PLD5: variants seen among roughly 807,000 people sequenced by gnomAD.
The protein encoded by PLD5 is phospholipase D family member 5.
Under a neutral mutation model 61.1 loss-of-function variants are expected in PLD5, and 36 were observed. The ratio of observed to expected loss-of-function variants is 0.59; its 90% CI spans 0.45 to 0.78. PLD5 has a LOEUF of 0.78. Ranked by LOEUF, PLD5 falls within the 30% of genes least tolerant of loss-of-function variation. The pLI is 0.00. For synonymous variants in PLD5, 243 were observed against 242.8 expected (o/e 1.00, Z -0.01); for missense variants, 515 against 644.4 (o/e 0.80, Z 2.17).
chr1:242,300,746 G>GT (rs1241280360), intron 2 of PLD5, among the ~76,000 whole-genome samples: 1 of 4,958 alleles, frequency 2.0e-4, no homozygotes. Flanking sequence ...GAAATGGGTT[G>GT]CAGCGGGACA....
intron 2 of PLD5, among the ~76,000 whole-genome samples, chr1:242,327,786 C>T (rs1334688871): frequency 6.6e-6 from 1 of 152,162 alleles, no homozygotes; most frequent in Non-Finnish European, 1.5e-5. Context: ...GAATAACCAT[C>T]TTGATATTAA....
chr1:242,114,012 GA>G lies in PLD5; in HGVS notation c.947del (p.Leu316ProfsTer11). The G allele has an allele frequency of 6.2e-7, 1 of 1,613,138 alleles. No individual in the cohort carries two copies. The highest frequency in any genetic ancestry group is 8.5e-7 in the Non-Finnish European group (1 of 1,179,640). ...SQAFVSNSPK[L>X]FCPKNRSFDI... ...CAAAACTTCTGTTTTTAGGGCAAAA[GA>G]GTTTTGGAGAATTCTGTGAAGACAC... On this transcript the variant is annotated frameshift_variant, in exon 7 of 10. Coordinates refer to ENST00000536534, the MANE Select transcript of PLD5 (RefSeq NM_001372062.1). LOFTEE classifies it high-confidence loss of function.
intron 1 of PLD5, among the ~76,000 whole-genome samples, chr1:242,389,291 C>A (rs559053588): frequency 2.0e-4 from 30 of 152,146 alleles, no homozygotes; most frequent in African/African-American, 6.7e-4. Context: ...ATACATGTTA[C>A]CTTGTGACTC....
At chr1:242,394,869 A>T (rs186934045) in intron 1 of PLD5, among the ~76,000 whole-genome samples, 28 of 113,848 alleles carry the variant, frequency 2.5e-4, no homozygotes, top group Non-Finnish European at 2.8e-4. Context: ...TGTATATATG[A>T]ATATATATGA....
intron 1 of PLD5, among the ~76,000 whole-genome samples, chr1:242,483,746 G>C (rs967935044): frequency 7.9e-5 from 12 of 152,098 alleles, no homozygotes; most frequent in South Asian, 4.2e-4. Flanking sequence ...CCCAAATCAA[G>C]AGAATATACA....
chr1:242,166,424 CCTCTCAAAACAACA>C (rs1666306419), intron 5 of PLD5, among the ~76,000 whole-genome samples: 1 of 151,460 alleles, frequency 6.6e-6, no homozygotes, highest in Admixed American at 6.6e-5. Context: ...TTAGCTGGGC[CCTCTCAAAACAACA>C]CTTGCCTCTA....
At chr1:242,133,673 T>A (rs980744620) in intron 5 of PLD5, among the ~76,000 whole-genome samples, 3 of 152,158 alleles carry the variant, frequency 2.0e-5, no homozygotes, top group African/African-American at 7.2e-5. Context: ...TCATCTTTTA[T>A]AAGGATCTAA....
At chr1:242,277,474 A>G in intron 3 of PLD5, among the ~76,000 whole-genome samples, 1 of 35,212 alleles carries the variant, frequency 2.8e-5, no homozygotes, top group Admixed American at 3.8e-4. Flanking sequence ...AATGGACAGT[A>G]AGAAAAAAAC....
intron 1 of PLD5, among the ~76,000 whole-genome samples, chr1:242,493,599 T>C (rs1503805): frequency 0.03 from 4,547 of 152,186 alleles, 228 homozygotes; most frequent in African/African-American, 0.1. Context: ...GGCTGCCACA[T>C]GGCCACCGAG....
At chr1:242,154,356 C>T (rs1665174931) in intron 5 of PLD5, among the ~76,000 whole-genome samples, 1 of 152,128 alleles carries the variant, frequency 6.6e-6, no homozygotes, top group South Asian at 2.1e-4. Context: ...CCTGATTGCC[C>T]TGGCCAGGAC....
At chr1:242,223,381 C>T (rs1198459272) in intron 4 of PLD5, among the ~76,000 whole-genome samples, 1 of 152,152 alleles carries the variant, frequency 6.6e-6, no homozygotes, top group Admixed American at 6.5e-5. Context: ...AGTCCTGCTG[C>T]TCAGACAGAA....
At chr1:242,434,224 G>A (rs1254393324) in intron 1 of PLD5, among the ~76,000 whole-genome samples, 1 of 152,216 alleles carries the variant, frequency 6.6e-6, no homozygotes, top group African/African-American at 2.4e-5. Flanking sequence ...GTGGATGGCG[G>A]TCAGTTTCTG....
chr1:242,253,423 C>T (rs1285642593), intron 4 of PLD5, among the ~76,000 whole-genome samples: 8 of 151,244 alleles, frequency 5.3e-5, no homozygotes, highest in African/African-American at 1.5e-4. Flanking sequence ...ACGCCATTCT[C>T]CTGCCTCAGC....
At position 242,294,985 on chromosome 1, in the gene PLD5, T is replaced by C. The variant is rs370962972; in HGVS notation, c.327-6455A>G. ...CAGGACCTGACCTTAAAAAGGTGCA[T>C]GGCAGTCAATGCACCGACATTCATT... On this transcript the variant is annotated intron_variant, in intron 2 of 9. Transcript: ENST00000536534. Among the ~76,000 whole-genome samples, 42 of 152,302 alleles carry C rather than the reference T, an allele frequency of 2.8e-4. 1 individual carries two copies. Among genetic ancestry groups the C allele is most frequent in the East Asian group, 7.7e-4 (4 of 5,182 alleles).
At chr1:242,125,932 A>G (rs1030290188) in intron 5 of PLD5, among the ~76,000 whole-genome samples, 12 of 152,216 alleles carry the variant, frequency 7.9e-5, no homozygotes, top group Non-Finnish European at 1.6e-4. Context: ...ACCCACTGAT[A>G]GACTTCATTC....
At chr1:242,154,795 C>G (rs1217832135) in intron 5 of PLD5, among the ~76,000 whole-genome samples, 1 of 152,006 alleles carries the variant, frequency 6.6e-6, no homozygotes. Flanking sequence ...TAATATTGGC[C>G]TGAAATTTTC....
intron 4 of PLD5, among the ~76,000 whole-genome samples, chr1:242,264,193 A>G (rs1295022126): frequency 6.6e-6 from 1 of 152,244 alleles, no homozygotes; most frequent in Admixed American, 6.5e-5. Context: ...GAAAAGTAAG[A>G]ATACATTTCT....
At chr1:242,164,213 T>C (rs555759494) in intron 5 of PLD5, among the ~76,000 whole-genome samples, 10 of 151,932 alleles carry the variant, frequency 6.6e-5, no homozygotes, top group African/African-American at 2.4e-4. Flanking sequence ...TTATGGAAAG[T>C]GCAGAAAAAC....
Position 242,108,415 on chromosome 1 carries a change from C to A in PLD5, c.1071-576G>T, listed in dbSNP as rs1159145530. ...CTTCCAACAGGCAAAGTTTCCCCAA[C>A]AGGCTTGGCCTTTTCTCTGAATCCT... is the stretch of plus-strand genomic sequence containing the variant. On this transcript the variant is annotated intron_variant, in intron 7 of 9. Transcript: ENST00000536534. Among the ~76,000 whole-genome samples, 4 of 152,178 alleles carry A rather than the reference C, an allele frequency of 2.6e-5. No individual in the cohort carries two copies. In the East Asian group the frequency reaches 7.7e-4, roughly 29 times the overall value.
Sources: gnomAD v4.1 joint callset for allele counts (sites outside exome capture counted in the v4.1 genomes callset) on GRCh38, gnomAD v4.1.1 for gene constraint, MANE v1.5 for transcripts, NCBI Gene and HGNC (gene_info 2026-07-23, HGNC 2026-07-21) for gene names.